Variants in C1orf21 observed in about 807,000 individuals in gnomAD.
C1orf21 encodes the protein chromosome 1 open reading frame 21, also known as uncharacterized protein C1orf21.
Under a neutral mutation model 18.7 loss-of-function variants are expected in C1orf21, and 3 were observed. The ratio of observed to expected loss-of-function variants is 0.16; its 90% CI spans 0.07 to 0.42. C1orf21 has a LOEUF of 0.42. C1orf21 is among the 10% of genes least tolerant of loss of function. The pLI is 0.99. For missense variants in C1orf21, 104 were observed against 143.6 expected (o/e 0.72, Z 1.41); for synonymous variants, 41 against 46.4 (o/e 0.88, Z 0.47).
chr1:184,557,416 C>A (rs1218618392), intron 3 of C1orf21, among the ~76,000 whole-genome samples: 1 of 152,174 alleles, frequency 6.6e-6, no homozygotes, highest in Non-Finnish European at 1.5e-5. Flanking sequence ...ACCCTTTCCT[C>A]TGAATCCCCA....
chr1:184,406,626 A>G lies in C1orf21; in HGVS notation c.-125+19258A>G, dbSNP rs1159308226. Among the ~76,000 whole-genome samples the G allele has an allele frequency of 2.6e-5, 4 of 152,178 alleles. No homozygotes were observed. The South Asian group carries it at 8.3e-4, about 32-fold the overall frequency. On this transcript the variant is annotated intron_variant, in intron 1 of 5. Transcript: ENST00000235307. ...TTCCTGATTGCTCCTTTAAAGGGCT[A>G]TTCAGGAAGGACTGGAGCCTTACTA... is the stretch of plus-strand genomic sequence containing the variant.
intron 3 of C1orf21, among the ~76,000 whole-genome samples, chr1:184,554,271 T>C (rs1658849646): frequency 6.6e-6 from 1 of 152,206 alleles, no homozygotes; most frequent in Non-Finnish European, 1.5e-5. Context: ...TTTGAGTGAC[T>C]TCAATAATAC....
chr1:184,450,797 A>C (rs920114418), intron 1 of C1orf21, among the ~76,000 whole-genome samples: 3 of 152,214 alleles, frequency 2.0e-5, no homozygotes, highest in African/African-American at 7.2e-5. Context: ...TTATTCTTTA[A>C]AATCAGAAAT....
At chr1:184,479,884 A>C (rs1424836010) in intron 2 of C1orf21, among the ~76,000 whole-genome samples, 1 of 152,044 alleles carries the variant, frequency 6.6e-6, no homozygotes, top group African/African-American at 2.4e-5. Flanking sequence ...TGGCCTCCCA[A>C]AGGGCGGGGA....
intron 2 of C1orf21, among the ~76,000 whole-genome samples, chr1:184,491,833 G>C (rs1657821168): frequency 6.6e-6 from 1 of 152,204 alleles, no homozygotes; most frequent in African/African-American, 2.4e-5. Context: ...CTTAAGCTAT[G>C]AGAACAAAAG....
chr1:184,565,082 A>G (rs919082399), intron 3 of C1orf21, among the ~76,000 whole-genome samples: 1 of 152,204 alleles, frequency 6.6e-6, no homozygotes, highest in Non-Finnish European at 1.5e-5. Context: ...TAAAAGTGCC[A>G]TCCTTGCTGT....
At chr1:184,486,249 A>C (rs1413862745) in intron 2 of C1orf21, among the ~76,000 whole-genome samples, 1 of 152,202 alleles carries the variant, frequency 6.6e-6, no homozygotes, top group Non-Finnish European at 1.5e-5. Flanking sequence ...TCATTTCAAT[A>C]GGGAAAATGA....
At chr1:184,587,947 T>C (rs971823273) in intron 3 of C1orf21, among the ~76,000 whole-genome samples, 4 of 152,176 alleles carry the variant, frequency 2.6e-5, no homozygotes, top group African/African-American at 7.2e-5. Context: ...CTTGATTTTG[T>C]GTCCTGAGAC....
intron 1 of C1orf21, among the ~76,000 whole-genome samples, chr1:184,444,852 A>G (rs575033944): frequency 2.0e-4 from 31 of 152,292 alleles, no homozygotes; most frequent in Middle Eastern, 3.4e-3. Flanking sequence ...ACAGAGGTAC[A>G]TGGTCTTCTA....
intron 1 of C1orf21, among the ~76,000 whole-genome samples, chr1:184,422,730 A>C (rs1471119164): frequency 2.6e-5 from 4 of 152,090 alleles, no homozygotes; most frequent in African/African-American, 9.7e-5. Context: ...GATTGATAGG[A>C]TTTTCTTCCC....
chr1:184,604,314 C>T (rs1417435033), intron 5 of C1orf21, among the ~76,000 whole-genome samples: 2 of 152,178 alleles, frequency 1.3e-5, no homozygotes, highest in Admixed American at 6.5e-5. Flanking sequence ...ACCTGCCCCA[C>T]GTGTGCAGAG....
intron 1 of C1orf21, among the ~76,000 whole-genome samples, chr1:184,449,536 A>G (rs1409678544): frequency 1.3e-5 from 2 of 152,192 alleles, no homozygotes; most frequent in Non-Finnish European, 1.5e-5. Flanking sequence ...TTATAGCAGC[A>G]TGATTTATAA....
At chr1:184,505,128 C>T (rs575103849) in intron 2 of C1orf21, among the ~76,000 whole-genome samples, 1 of 151,684 alleles carries the variant, frequency 6.6e-6, no homozygotes, top group South Asian at 2.1e-4. Flanking sequence ...TGTGGCTTGG[C>T]AGACGGGAGA....
Position 184,477,452 on chromosome 1 carries a change from C to T in C1orf21, c.-58C>T, listed in dbSNP as rs952311006. ...TTTGTGTTTAAAGAAAAAAAATGTC[C>T]CTGTGTCTGTAGAGATGATTTGCAG... On this transcript the variant is annotated 5_prime_UTR_variant, in exon 2 of 6. Coordinates refer to ENST00000235307, the MANE Select transcript of C1orf21 (RefSeq NM_030806.4). 2.1e-6 allele frequency: 3 copies of T among 1,431,490 alleles called. No individual in the cohort carries two copies. The African/African-American group carries it at 4.3e-5, about 20-fold the overall frequency. The allele number at this position is 1,431,490 out of a possible 1,614,324, so 88.7% of individuals were successfully genotyped here. A position where few individuals can be genotyped will look rare whatever the true frequency, so the allele number is the denominator to read the frequency against.
Position 184,399,356 on chromosome 1 carries a change from ATTTTTTTTTTTT to A in C1orf21, c.-125+12001_-125+12012del, listed in dbSNP as rs59376994. On this transcript the variant is annotated intron_variant, in intron 1 of 5. Transcript: ENST00000235307. ...ATCACAGGAAGTGTTATGTACTTCT[ATTTTTTTTTTTT>A]TTTTTTTTTTTTGAGACAAGGTCTG... Among the ~76,000 whole-genome samples the A allele has an allele frequency of 8.1e-3, 644 of 79,108 alleles. 22 individuals are homozygous for A. The East Asian group carries it at 0.11, about 14-fold the overall frequency. 51.9% of individuals were successfully genotyped at this position (79,108 alleles called of 152,430 possible).
chr1:184,440,115 G>T (rs1021665572), intron 1 of C1orf21, among the ~76,000 whole-genome samples: 1 of 152,160 alleles, frequency 6.6e-6, no homozygotes, highest in African/African-American at 2.4e-5. Flanking sequence ...GGTAGGAAGT[G>T]ATTTCCGATT....
At chr1:184,494,136 T>G (rs1216106199) in intron 2 of C1orf21, among the ~76,000 whole-genome samples, 1 of 152,214 alleles carries the variant, frequency 6.6e-6, no homozygotes, top group Non-Finnish European at 1.5e-5. Context: ...CAGAGTCATC[T>G]GTCAGAGAAG....
chr1:184,563,519 CA>C (rs1420569998), intron 3 of C1orf21, among the ~76,000 whole-genome samples: 1 of 152,182 alleles, frequency 6.6e-6, no homozygotes. Context: ...CCCTAGCATA[CA>C]TAATTTCAGG....
intron 3 of C1orf21, among the ~76,000 whole-genome samples, chr1:184,518,432 A>G (rs985898355): frequency 3.3e-5 from 5 of 152,200 alleles, no homozygotes; most frequent in Non-Finnish European, 7.3e-5. Context: ...ATGGCACAGC[A>G]TGCTTGTGGG....
Sources: gnomAD v4.1 joint callset for allele counts (sites outside exome capture counted in the v4.1 genomes callset) on GRCh38, gnomAD v4.1.1 for gene constraint, MANE v1.5 for transcripts, NCBI Gene and HGNC (gene_info 2026-07-23, HGNC 2026-07-21) for gene names.